Variants in HELZ observed in about 807,000 individuals in gnomAD.
HELZ encodes the protein helicase with zinc finger, also known as ATP-dependent RNA helicase with zinc finger domain.
A neutral mutation model predicts 218.2 loss-of-function variants in HELZ; 23 were observed. The observed-to-expected ratio is 0.11, with a 90% CI of 0.08 to 0.15. HELZ has a LOEUF of 0.15. Among genes scored for constraint, HELZ ranks in the 10% least tolerant of loss-of-function variants. The pLI, the probability that HELZ is intolerant of heterozygous loss-of-function variation, is 1.00. For missense variants in HELZ, 1,813 were observed against 2,353.7 expected (o/e 0.77, Z 4.75); for synonymous variants, 814 against 829.4 (o/e 0.98, Z 0.32).
chr17:67,144,992 C>T lies in HELZ; in HGVS notation c.2769+751G>A, dbSNP rs187889973. 2.2e-4 allele frequency among the ~76,000 whole-genome samples: 34 copies of T among 152,066 alleles called. No homozygotes were observed. The East Asian group carries it at 3.7e-3, about 16-fold the overall frequency. ...TACAGGCCCATGAGCAATGTCTTAA[C>T]GGAAAAATGAATTCCTACTACATAA... On this transcript the variant is annotated intron_variant, in intron 21 of 32. Coordinates refer to ENST00000358691, the MANE Select transcript of HELZ (RefSeq NM_014877.4).
chr17:67,117,828 G>A (rs1465464845), intron 27 of HELZ, among the ~76,000 whole-genome samples: 3 of 152,016 alleles, frequency 2.0e-5, no homozygotes, highest in Non-Finnish European at 2.9e-5. Context: ...TGGAATTACA[G>A]GCATGAGCCA....
chr17:67,145,284 T>C (rs565163107), intron 21 of HELZ, among the ~76,000 whole-genome samples: 1 of 152,302 alleles, frequency 6.6e-6, no homozygotes, highest in African/African-American at 2.4e-5. Flanking sequence ...AAGTCAGAAA[T>C]TGCAAGAGAA....
At chr17:67,086,647 T>A (rs909585865) in intron 32 of HELZ, among the ~76,000 whole-genome samples, 182 bp downstream of exon 32, 15 of 133,674 alleles carry the variant, frequency 1.1e-4, no homozygotes, top group South Asian at 2.3e-4. Context: ...TATATATATA[T>A]ATATATATAT....
At chr17:67,128,265 C>T (rs1281697416) in intron 24 of HELZ, among the ~76,000 whole-genome samples, 2 of 152,082 alleles carry the variant, frequency 1.3e-5, no homozygotes, top group Non-Finnish European at 2.9e-5. Flanking sequence ...ATACAAATAT[C>T]GTTATTATAA....
At chr17:67,224,241 A>C (rs2143363925) in intron 3 of HELZ, 1 of 155,950 alleles carries the variant, frequency 6.4e-6, no homozygotes, top group Middle Eastern at 3.3e-3. Context: ...AGCTCCTTGC[A>C]GCTGAATCTA....
At chr17:67,218,564 C>T (rs1458975325) in intron 4 of HELZ, 31 bp downstream of exon 4, 1 of 1,510,782 alleles carries the variant, frequency 6.6e-7, no homozygotes, top group Non-Finnish European at 9.2e-7. Context: ...TTACATAGTT[C>T]AGCATTGGCT....
intron 3 of HELZ, among the ~76,000 whole-genome samples, chr17:67,239,040 G>C (rs151320350): frequency 2.4e-4 from 37 of 152,268 alleles, no homozygotes; most frequent in Non-Finnish European, 5.0e-4. Flanking sequence ...GTAAATAGCA[G>C]ATAACAGGAA....
intron 31 of HELZ, among the ~76,000 whole-genome samples, chr17:67,094,482 G>A (rs1267613444): frequency 6.6e-6 from 1 of 152,056 alleles, no homozygotes; most frequent in African/African-American, 2.4e-5. Context: ...TGGAGATATT[G>A]CAGGTTTGGT....
At chr17:67,237,188 G>A (rs866532835) in intron 3 of HELZ, among the ~76,000 whole-genome samples, 15 of 152,234 alleles carry the variant, frequency 9.9e-5, no homozygotes, top group Middle Eastern at 6.8e-3. Flanking sequence ...GGGAGGCTGA[G>A]GCAAGAGAAT....
chr17:67,215,687 G>A (rs192886908), intron 5 of HELZ: 123 of 569,586 alleles, frequency 2.2e-4, no homozygotes, highest in African/African-American at 2.0e-3. Context: ...ATGTTCCCAG[G>A]GGAGTGACAA....
Position 67,218,657 on chromosome 17 carries a change from A to G in HELZ, c.148T>C (p.Leu50=), listed in dbSNP as rs1455541367. 7 of 1,614,190 alleles carry G rather than the reference A, an allele frequency of 4.3e-6. No homozygotes were observed. Among genetic ancestry groups the G allele is most frequent in the East Asian group, 4.5e-5 (2 of 44,882 alleles). Residue 50 remains leucine, a synonymous_variant, in exon 4 of 33, where the codon TTG becomes CTG. Transcript: ENST00000358691. ...TCGATTTTGATGCGTTCTATTTCCAATGGACAAGGCCCTGTGAAGTCTGCC... is the reference window on the plus strand; with the variant it reads ...TCGATTTTGATGCGTTCTATTTCCAGTGGACAAGGCCCTGTGAAGTCTGCC... ...SMADFTGPCP[L]EIERIKIESL...
intron 31 of HELZ, among the ~76,000 whole-genome samples, chr17:67,093,441 A>C (rs1275857247): frequency 6.6e-6 from 1 of 152,244 alleles, no homozygotes; most frequent in Non-Finnish European, 1.5e-5. Flanking sequence ...AATTATCAAA[A>C]AAGATTAATA....
At chr17:67,181,161 A>G (rs144741222) in intron 12 of HELZ, among the ~76,000 whole-genome samples, 1,648 of 152,302 alleles carry the variant, frequency 0.011, 19 homozygotes, top group South Asian at 0.018. Context: ...GGGAGATTAT[A>G]TTTCATAATT....
At position 67,072,438 on chromosome 17, in the gene HELZ, T is replaced by C. The variant is rs926242307; in HGVS notation, c.*5814A>G. The C allele has an allele frequency of 3.3e-5, 5 of 152,700 alleles. No individual in the cohort carries two copies. The highest frequency in any genetic ancestry group is 7.3e-5 in the Non-Finnish European group (5 of 68,062). 9.5% of individuals were successfully genotyped at this position (152,700 alleles called of 1,614,324 possible). A position where few individuals can be genotyped will look rare whatever the true frequency, so the allele number is the denominator to read the frequency against. On this transcript the variant is annotated 3_prime_UTR_variant, in exon 33 of 33. Coordinates refer to ENST00000358691, the MANE Select transcript of HELZ (RefSeq NM_014877.4). ...TTAGGACAGGGACTCCTGCACTTAGTGCCTCGATACATGCTAGGTGCACTC... is the reference window on the plus strand; with the variant it reads ...TTAGGACAGGGACTCCTGCACTTAGCGCCTCGATACATGCTAGGTGCACTC...
chr17:67,234,547 A>G (rs2041128638), intron 3 of HELZ, among the ~76,000 whole-genome samples: 1 of 151,998 alleles, frequency 6.6e-6, no homozygotes, highest in Admixed American at 6.6e-5. Flanking sequence ...TTACTCTAAC[A>G]TTCAAGAAAT....
chr17:67,223,786 G>T (rs1421040286), intron 3 of HELZ, among the ~76,000 whole-genome samples: 1 of 152,076 alleles, frequency 6.6e-6, no homozygotes, highest in Non-Finnish European at 1.5e-5. Context: ...TTTATCAAAG[G>T]AACATAAAAC....
At chr17:67,233,362 A>T (rs1017170937) in intron 3 of HELZ, among the ~76,000 whole-genome samples, 2 of 152,196 alleles carry the variant, frequency 1.3e-5, no homozygotes, top group Non-Finnish European at 2.9e-5. Context: ...CAAAAAATTT[A>T]AAAATAAAAT....
At chr17:67,093,288 T>C (rs1210620195) in intron 31 of HELZ, among the ~76,000 whole-genome samples, 1 of 151,578 alleles carries the variant, frequency 6.6e-6, no homozygotes, top group Non-Finnish European at 1.5e-5. Flanking sequence ...GCAGATAAAA[T>C]CAAGGAAATC....
At chr17:67,220,986 T>G (rs1431195758) in intron 3 of HELZ, among the ~76,000 whole-genome samples, 1 of 152,096 alleles carries the variant, frequency 6.6e-6, no homozygotes, top group Non-Finnish European at 1.5e-5. Context: ...TAAGACACAG[T>G]TGGTATGCAT....
Sources: allele counts gnomAD v4.1 joint callset (sites outside exome capture counted in the v4.1 genomes callset), GRCh38; gene constraint gnomAD v4.1.1; transcripts MANE v1.5; gene names NCBI Gene and HGNC (gene_info 2026-07-23, HGNC 2026-07-21).